Variants in PLPPR1 observed in about 807,000 individuals in gnomAD.
PLPPR1 encodes phospholipid phosphatase-related protein type 1.
Under a neutral mutation model 33.1 loss-of-function variants are expected in PLPPR1, and 10 were observed. The observed-to-expected ratio is 0.30, with a 90% CI of 0.19 to 0.51. PLPPR1 has a LOEUF of 0.51. Ranked by LOEUF, PLPPR1 falls within the 20% of genes least tolerant of loss-of-function variation. The pLI, the probability that PLPPR1 is intolerant of heterozygous loss-of-function variation, is 0.97. For synonymous variants in PLPPR1, 151 were observed against 151.0 expected, an observed-to-expected ratio of 1.00 and a Z score of 0.00; for missense variants, 304 against 408.1, an observed-to-expected ratio of 0.74 and a Z score of 2.20.
chr9:101,257,506 C>T (rs1044614538), intron 2 of PLPPR1, among the ~76,000 whole-genome samples: 7 of 152,122 alleles, frequency 4.6e-5, no homozygotes, highest in Admixed American at 2.0e-4. Context: ...GATAGTCACA[C>T]CTCATGCCAG....
At position 101,286,179 on chromosome 9, in the gene PLPPR1, C is replaced by G. The variant is rs775845832; in HGVS notation, c.328C>G (p.Leu110Val). The change falls in exon 4 of 8, where the codon CTG becomes GTG. Residue 110 changes from leucine (L) to valine (V), a missense_variant. Leu to Val is a conservative substitution (Grantham distance 32). Coordinates refer to ENST00000374874, the MANE Select transcript of PLPPR1 (RefSeq NM_207299.2). ...ESLIAQEKTI[L>V]TGECCYLNPL... ...CCTGATTGCTCAGGAGAAAACAATT[C>G]TGACCGGAGAATGCTGTTACCTGAA... The G allele has an allele frequency of 1.5e-5, 24 of 1,613,602 alleles. No homozygotes were observed. In the South Asian group the frequency reaches 2.3e-4, roughly 16 times the overall value.
intron 4 of PLPPR1, among the ~76,000 whole-genome samples, chr9:101,291,474 G>A (rs571929632): frequency 0.049 from 7,426 of 152,244 alleles, 552 homozygotes; most frequent in African/African-American, 0.16. Flanking sequence ...CTGAGAATGG[G>A]CAGACTGCCT....
intron 1 of PLPPR1, among the ~76,000 whole-genome samples, chr9:101,089,985 G>A (rs1344636156): frequency 2.6e-5 from 4 of 152,164 alleles, no homozygotes; most frequent in Admixed American, 1.3e-4. Flanking sequence ...AGAACAAGGT[G>A]TTGGCTGGTC....
intron 1 of PLPPR1, among the ~76,000 whole-genome samples, chr9:101,153,670 G>T (rs527983649): frequency 6.6e-5 from 10 of 152,218 alleles, no homozygotes; most frequent in African/African-American, 2.2e-4. Flanking sequence ...CGACTCCCGG[G>T]TTCACACCAT....
chr9:101,084,168 A>G (rs910737708), intron 1 of PLPPR1, among the ~76,000 whole-genome samples: 8 of 152,182 alleles, frequency 5.3e-5, no homozygotes, highest in Admixed American at 3.3e-4. Context: ...GGTCCTAGCC[A>G]TTGGAGGAGT....
chr9:101,063,653 G>A (rs900128941), intron 1 of PLPPR1, among the ~76,000 whole-genome samples: 1 of 151,998 alleles, frequency 6.6e-6, no homozygotes. Context: ...TTACATCTCA[G>A]GGCCTTTGTC....
At chr9:101,075,717 C>A (rs1830526884) in intron 1 of PLPPR1, among the ~76,000 whole-genome samples, 1 of 152,182 alleles carries the variant, frequency 6.6e-6, no homozygotes, top group Non-Finnish European at 1.5e-5. Context: ...GGAGCTTTCT[C>A]TGTGTAGAGA....
intron 6 of PLPPR1, among the ~76,000 whole-genome samples, chr9:101,317,010 T>C (rs568906693): frequency 6.6e-6 from 1 of 152,292 alleles, no homozygotes; most frequent in African/African-American, 2.4e-5. Context: ...TGAAATTGGA[T>C]AAAATCCTCA....
chr9:101,141,211 C>T (rs1265643663), intron 1 of PLPPR1, among the ~76,000 whole-genome samples: 2 of 152,138 alleles, frequency 1.3e-5, no homozygotes, highest in South Asian at 2.1e-4. Context: ...GAAATCTCCT[C>T]TGGCAAAAGG....
At chr9:101,310,696 C>T (rs1828938326) in intron 5 of PLPPR1, among the ~76,000 whole-genome samples, 1 of 152,220 alleles carries the variant, frequency 6.6e-6, no homozygotes, top group Non-Finnish European at 1.5e-5. Flanking sequence ...AATTAATACA[C>T]AGTCATTCTT....
intron 4 of PLPPR1, among the ~76,000 whole-genome samples, chr9:101,297,345 C>A (rs7040414): frequency 6.6e-6 from 1 of 152,102 alleles, no homozygotes; most frequent in African/African-American, 2.4e-5. Context: ...TGTCTCCTCT[C>A]GTCTGTGTGG....
intron 2 of PLPPR1, among the ~76,000 whole-genome samples, chr9:101,257,598 T>G (rs1323305866): frequency 6.6e-6 from 1 of 152,138 alleles, no homozygotes; most frequent in Admixed American, 6.6e-5. Flanking sequence ...TTCAGGAGCT[T>G]TAGTGTTCAT....
rs1828986154 is a variant in PLPPR1, at chr9:101,312,992, T to G, written c.813+18T>G. The G allele has an allele frequency of 6.2e-7, 1 of 1,612,566 alleles. No homozygotes were observed. Among genetic ancestry groups the G allele is most frequent in the Non-Finnish European group, 8.5e-7 (1 of 1,178,814 alleles). On this transcript the variant is annotated intron_variant, in intron 6 of 7. Coordinates refer to ENST00000374874, the MANE Select transcript of PLPPR1 (RefSeq NM_207299.2). Reference sequence around the variant, plus strand: ...TGTTTCTGGTAGGTTGACTTCCCTCTTTTTACCTTTTCCCCCTCTTCTACT... The same window carrying G: ...TGTTTCTGGTAGGTTGACTTCCCTCGTTTTACCTTTTCCCCCTCTTCTACT...
At chr9:101,242,105 C>G (rs1334200242) in intron 2 of PLPPR1, among the ~76,000 whole-genome samples, 2 of 151,996 alleles carry the variant, frequency 1.3e-5, no homozygotes, top group African/African-American at 4.8e-5. Context: ...TAGGAGTTTG[C>G]TGGCACTAAC....
At chr9:101,115,112 C>T (rs1275074230) in intron 1 of PLPPR1, among the ~76,000 whole-genome samples, 1 of 152,172 alleles carries the variant, frequency 6.6e-6, no homozygotes, top group Non-Finnish European at 1.5e-5. Context: ...TCTGTCCCAT[C>T]TCCACAGTAC....
intron 1 of PLPPR1, among the ~76,000 whole-genome samples, chr9:101,096,856 G>A (rs536994091): frequency 6.6e-6 from 1 of 152,186 alleles, no homozygotes; most frequent in Admixed American, 6.5e-5. Flanking sequence ...CTTGAGCCCA[G>A]GAGTTTGAAA....
intron 1 of PLPPR1, among the ~76,000 whole-genome samples, chr9:101,181,999 G>GTA (rs1056649600): frequency 1.3e-5 from 2 of 150,762 alleles, no homozygotes; most frequent in African/African-American, 4.9e-5. Flanking sequence ...CACCTAGGTA[G>GTA]TATATATATA....
intron 1 of PLPPR1, among the ~76,000 whole-genome samples, chr9:101,050,265 G>T (rs1394559754): frequency 6.6e-6 from 1 of 151,326 alleles, no homozygotes; most frequent in African/African-American, 2.4e-5. Context: ...AAATTGATTT[G>T]ATTTTTCCTC....
At chr9:101,120,786 G>A (rs578076946) in intron 1 of PLPPR1, among the ~76,000 whole-genome samples, 63 of 152,266 alleles carry the variant, frequency 4.1e-4, no homozygotes, top group African/African-American at 1.4e-3. Flanking sequence ...AGAGAATATG[G>A]CCCTATGAGG....
Sources: allele counts gnomAD v4.1 joint callset (sites outside exome capture counted in the v4.1 genomes callset), GRCh38; gene constraint gnomAD v4.1.1; transcripts MANE v1.5; gene names NCBI Gene and HGNC (gene_info 2026-07-23, HGNC 2026-07-21).